EXT2: variants seen among roughly 807,000 people sequenced by gnomAD.
EXT2 encodes the protein exostosin glycosyltransferase 2.
A neutral mutation model predicts 81.6 loss-of-function variants in EXT2; 53 were observed. The ratio of observed to expected loss-of-function variants is 0.65; its 90% CI spans 0.52 to 0.82. The LOEUF is 0.82. EXT2 is among the 40% of genes least tolerant of loss of function. The pLI, the probability that EXT2 is intolerant of heterozygous loss-of-function variation, is 0.00. For missense variants in EXT2, 774 were observed against 910.2 expected, an observed-to-expected ratio of 0.85 and a Z score of 1.93; for synonymous variants, 320 against 340.0, an observed-to-expected ratio of 0.94 and a Z score of 0.65.
chr11:44,157,149 C>T, intron 7 of EXT2, among the ~76,000 whole-genome samples: 1 of 152,218 alleles, frequency 6.6e-6, no homozygotes, highest in East Asian at 1.9e-4. Context: ...GTCCTGTGGT[C>T]ACCGCTGCTT....
chr11:44,125,008 G>A (rs368977309), intron 5 of EXT2, 24 bp downstream of exon 5: 122 of 1,609,070 alleles, frequency 7.6e-5, no homozygotes, highest in African/African-American at 2.8e-4. Context: ...ATTACCTCTC[G>A]CAAAGGCTCA....
At chr11:44,120,496 C>G (rs537611164) in intron 4 of EXT2, among the ~76,000 whole-genome samples, 13 of 152,138 alleles carry the variant, frequency 8.5e-5, no homozygotes, top group Non-Finnish European at 1.8e-4. Context: ...TACCACCACC[C>G]CTCCCTGCCC....
Position 44,097,737 on chromosome 11 carries a change from T to C in EXT2, c.-31+1885T>C, listed in dbSNP as rs539099214. 3.4e-5 allele frequency among the ~76,000 whole-genome samples: 5 copies of C among 147,176 alleles called. No individual in the cohort carries two copies. The East Asian group carries it at 1.0e-3, about 29-fold the overall frequency. On this transcript the variant is annotated intron_variant, in intron 1 of 13. Coordinates refer to ENST00000533608, the MANE Select transcript of EXT2 (RefSeq NM_207122.2). ...TTGTGCCACTGCACTCCAGCCTGAG[T>C]GACAGAGCAAGACTCCATCTCAAAA... is the stretch of plus-strand genomic sequence containing the variant.
rs1252805090 is a variant in EXT2, at chr11:44,250,882, G to T, written c.*6595G>T. Among the ~76,000 whole-genome samples, 1 of 152,176 alleles carries T rather than the reference G, an allele frequency of 6.6e-6. No individual in the cohort carries two copies. Among genetic ancestry groups the T allele is most frequent in the African/African-American group, 2.4e-5 (1 of 41,430 alleles). On this transcript the variant is annotated 3_prime_UTR_variant, in exon 14 of 14. Transcript: ENST00000533608. ...GCGTCACTGCCTGCTTAGAAGTAAA[G>T]TTATGTTTCTCATTAAGGGGATAAC...
chr11:44,156,982 A>G (rs898599995), intron 7 of EXT2, among the ~76,000 whole-genome samples: 3 of 152,248 alleles, frequency 2.0e-5, no homozygotes, highest in Admixed American at 6.5e-5. Context: ...TTATGGACTC[A>G]CGAAGGTACA....
chr11:44,169,373 T>C (rs113211681), intron 7 of EXT2, among the ~76,000 whole-genome samples: 29 of 152,122 alleles, frequency 1.9e-4, no homozygotes, highest in Non-Finnish European at 3.5e-4. Context: ...AGACGTAATA[T>C]AATAAAGCAA....
intron 7 of EXT2, among the ~76,000 whole-genome samples, chr11:44,143,088 A>G (rs12226259): frequency 0.26 from 40,139 of 151,984 alleles, 6,199 homozygotes; most frequent in Admixed American, 0.43. Flanking sequence ...AATAGCTGGG[A>G]TTACAGGTGT....
intron 10 of EXT2, among the ~76,000 whole-genome samples, chr11:44,212,088 A>C (rs2135216889): frequency 6.6e-6 from 1 of 152,046 alleles, no homozygotes; most frequent in Non-Finnish European, 1.5e-5. Flanking sequence ...ATTTGAGACC[A>C]GTCTGGCCAA....
At chr11:44,108,454 T>C (rs1052825362) in intron 2 of EXT2, among the ~76,000 whole-genome samples, 1 of 152,254 alleles carries the variant, frequency 6.6e-6, no homozygotes, top group African/African-American at 2.4e-5. Flanking sequence ...AAGAGTAGTC[T>C]GCCATCTCCG....
intron 4 of EXT2, chr11:44,116,952 A>G (rs1954229412): frequency 6.6e-6 from 1 of 152,008 alleles, no homozygotes; most frequent in South Asian, 2.1e-4. Context: ...CCCATTCTAT[A>G]GACTGCTTTT....
At chr11:44,124,712 T>C (rs1177009506) in intron 4 of EXT2, 77 bp from the exon 5 acceptor site, 1 of 1,274,948 alleles carries the variant, frequency 7.8e-7, no homozygotes, top group African/African-American at 1.5e-5. Flanking sequence ...CTGTCATAAG[T>C]TTAATATCAA....
In EXT2 at chr11:44,119,177, C is replaced by CAT. The variant is rs58325524; in HGVS notation, c.743+4877_743+4878insTA. On this transcript the variant is annotated intron_variant, in intron 4 of 13. Coordinates refer to ENST00000533608, the MANE Select transcript of EXT2 (RefSeq NM_207122.2). ...ATATATATATATATATATACACATA[C>CAT]ACACACACACACACACATTTTTGAC... is the stretch of plus-strand genomic sequence containing the variant. Among the ~76,000 whole-genome samples the CAT allele has an allele frequency of 7.9e-3, 338 of 42,718 alleles. 1 individual carries two copies. The highest frequency in any genetic ancestry group is 0.026 in the African/African-American group (298 of 11,416). The allele number at this position is 42,718 out of a possible 152,430, so 28.0% of individuals were successfully genotyped here. A position where few individuals can be genotyped will look rare whatever the true frequency, so the allele number is the denominator to read the frequency against.
At chr11:44,205,620 C>G (rs1955573139) in intron 9 of EXT2, among the ~76,000 whole-genome samples, 1 of 152,210 alleles carries the variant, frequency 6.6e-6, no homozygotes, top group South Asian at 2.1e-4. Flanking sequence ...ACAATGTGTT[C>G]TACAACCAGT....
At chr11:44,146,770 T>G (rs1954724151) in intron 7 of EXT2, among the ~76,000 whole-genome samples, 1 of 152,210 alleles carries the variant, frequency 6.6e-6, no homozygotes, top group Non-Finnish European at 1.5e-5. Flanking sequence ...TGGAGAAGAC[T>G]TTTTTCTTCA....
intron 7 of EXT2, among the ~76,000 whole-genome samples, chr11:44,161,491 C>A (rs929001742): frequency 4.0e-5 from 6 of 151,334 alleles, no homozygotes; most frequent in African/African-American, 1.2e-4. Context: ...GGCAATGGAG[C>A]AAGACCCTGG....
intron 13 of EXT2, among the ~76,000 whole-genome samples, chr11:44,243,338 T>C (rs1336073524): frequency 6.6e-6 from 1 of 152,188 alleles, no homozygotes; most frequent in Non-Finnish European, 1.5e-5. Context: ...TGCTCACCTC[T>C]GAGAAGGCTG....
intron 7 of EXT2, among the ~76,000 whole-genome samples, chr11:44,149,490 T>C (rs1193844124): frequency 6.6e-6 from 1 of 152,242 alleles, no homozygotes; most frequent in East Asian, 1.9e-4. Context: ...ATCAACCATG[T>C]AATCCAATGC....
chr11:44,169,084 G>A (rs1955034662), intron 7 of EXT2, among the ~76,000 whole-genome samples: 1 of 152,064 alleles, frequency 6.6e-6, no homozygotes, highest in Admixed American at 6.5e-5. Context: ...GCCAGGCGTG[G>A]TGGTGCGTGC....
Position 44,182,552 on chromosome 11 carries a change from A to G in EXT2, c.1305+10810A>G, listed in dbSNP as rs553026459. On this transcript the variant is annotated intron_variant, in intron 8 of 13. Transcript: ENST00000533608. ...TCAGAATTAAATTTCTAAAAATAGT[A>G]CACTCTTTACCCAGATTTCTTAAAT... Among the ~76,000 whole-genome samples the G allele has an allele frequency of 2.0e-5, 3 of 152,316 alleles. No individual in the cohort carries two copies. In the East Asian group the frequency reaches 5.8e-4, roughly 29 times the overall value.
Sources: gnomAD v4.1 joint callset for allele counts (sites outside exome capture counted in the v4.1 genomes callset) on GRCh38, gnomAD v4.1.1 for gene constraint, MANE v1.5 for transcripts, NCBI Gene and HGNC (gene_info 2026-07-23, HGNC 2026-07-21) for gene names.